PPFIA2: variants seen among roughly 807,000 people sequenced by gnomAD.
PPFIA2 encodes the protein liprin-alpha-2.
In PPFIA2, 46 loss-of-function variants were observed where a neutral mutation model predicts 175.5. The ratio of observed to expected loss-of-function variants is 0.26; its 90% CI spans 0.21 to 0.34. PPFIA2 has a LOEUF of 0.34. PPFIA2 is among the 10% of genes least tolerant of loss of function. The pLI is 1.00. For synonymous variants in PPFIA2, 568 were observed against 511.4 expected, an observed-to-expected ratio of 1.11 and a Z score of -1.49; for missense variants, 1,179 against 1,506.1, an observed-to-expected ratio of 0.78 and a Z score of 3.60.
chr12:81,500,464 T>C (rs886986290), intron 4 of PPFIA2, among the ~76,000 whole-genome samples: 3 of 152,182 alleles, frequency 2.0e-5, no homozygotes, highest in Admixed American at 6.6e-5. Context: ...TTCTAGCCAC[T>C]TTAATTTGGA....
chr12:81,287,891 T>A lies in PPFIA2; in HGVS notation c.2926-3588A>T, dbSNP rs112788284. ...GTTGGAAAAGCATAAGAAACAAATATTGTATAACTTGGTTGTGGTTCTCTG... is the reference window on the plus strand; with the variant it reads ...GTTGGAAAAGCATAAGAAACAAATAATGTATAACTTGGTTGTGGTTCTCTG... On this transcript the variant is annotated intron_variant, in intron 24 of 32. Transcript: ENST00000549396. 3.5e-4 allele frequency among the ~76,000 whole-genome samples: 53 copies of A among 151,834 alleles called. No individual in the cohort carries two copies. In the East Asian group the frequency reaches 8.1e-3, roughly 23 times the overall value.
At chr12:81,390,170 T>A (rs1055653077) in intron 8 of PPFIA2, among the ~76,000 whole-genome samples, 52 of 152,204 alleles carry the variant, frequency 3.4e-4, no homozygotes, top group African/African-American at 1.1e-3. Context: ...TATTACATGT[T>A]ATTTATATAT....
intron 4 of PPFIA2, among the ~76,000 whole-genome samples, chr12:81,529,539 A>T (rs1353234636): frequency 1.4e-5 from 2 of 145,438 alleles, no homozygotes; most frequent in Non-Finnish European, 3.0e-5. Flanking sequence ...ACACACAAAG[A>T]GTGGCGGGGG....
chr12:81,442,441 T>C (rs1406230809), intron 6 of PPFIA2, among the ~76,000 whole-genome samples: 2 of 151,968 alleles, frequency 1.3e-5, no homozygotes, highest in Non-Finnish European at 2.9e-5. Context: ...CACTAAGATA[T>C]TTGATAATAA....
At chr12:81,433,018 C>CA (rs1355161906) in intron 7 of PPFIA2, among the ~76,000 whole-genome samples, 1 of 133,826 alleles carries the variant, frequency 7.5e-6, no homozygotes, top group Non-Finnish European at 1.5e-5. Context: ...TTCACTTTAA[C>CA]AAAAATTAAA....
At chr12:81,543,381 A>G (rs925021576) in intron 4 of PPFIA2, among the ~76,000 whole-genome samples, 1 of 152,162 alleles carries the variant, frequency 6.6e-6, no homozygotes, top group African/African-American at 2.4e-5. Context: ...AGAGCTCCTA[A>G]TGACCAAAGT....
At chr12:81,605,768 A>G (rs1336877791) in intron 4 of PPFIA2, among the ~76,000 whole-genome samples, 1 of 151,720 alleles carries the variant, frequency 6.6e-6, no homozygotes, top group East Asian at 1.9e-4. Context: ...CCATACCCTT[A>G]GCTTTATATC....
At chr12:81,452,033 A>G (rs1257621220) in intron 5 of PPFIA2, among the ~76,000 whole-genome samples, 1 of 152,054 alleles carries the variant, frequency 6.6e-6, no homozygotes, top group African/African-American at 2.4e-5. Context: ...CATGAATCCT[A>G]TGTTTGAATT....
In PPFIA2 at chr12:81,259,647, T is replaced by C. The variant is rs752578236; in HGVS notation, c.*47A>G. The C allele has an allele frequency of 3.9e-6, 6 of 1,534,482 alleles. No individual in the cohort carries two copies. The South Asian group carries it at 6.0e-5, about 15-fold the overall frequency. On this transcript the variant is annotated 3_prime_UTR_variant, in exon 33 of 33. Transcript: ENST00000549396. ...GTAGTGCACTTTAGGTAGAGTAGAC[T>C]GAAAAGACGCCATCTAAAATATACA...
intron 8 of PPFIA2, among the ~76,000 whole-genome samples, chr12:81,400,082 T>C (rs1414325668): frequency 1.3e-5 from 2 of 152,208 alleles, no homozygotes; most frequent in African/African-American, 4.8e-5. Context: ...ATTAAAAGAA[T>C]GGCATTTGTG....
intron 4 of PPFIA2, among the ~76,000 whole-genome samples, chr12:81,595,062 T>G (rs1341861832): frequency 3.3e-5 from 5 of 151,878 alleles, no homozygotes; most frequent in Admixed American, 3.3e-4. Flanking sequence ...GGAGCCATGG[T>G]GGTGGCCAGG....
At chr12:81,478,205 T>G (rs1045908210) in intron 4 of PPFIA2, among the ~76,000 whole-genome samples, 1 of 152,176 alleles carries the variant, frequency 6.6e-6, no homozygotes, top group Admixed American at 6.5e-5. Flanking sequence ...ATAGAGATGT[T>G]TATAGTATTC....
At chr12:81,604,156 T>G (rs542635653) in intron 4 of PPFIA2, among the ~76,000 whole-genome samples, 1 of 147,738 alleles carries the variant, frequency 6.8e-6, no homozygotes, top group Non-Finnish European at 1.5e-5. Context: ...AATCACTGAT[T>G]TCCAGTGGGT....
chr12:81,758,090 G>A (rs1276570264), intron 2 of PPFIA2, among the ~76,000 whole-genome samples: 1 of 152,064 alleles, frequency 6.6e-6, no homozygotes, highest in African/African-American at 2.4e-5. Flanking sequence ...GTGCATTTAC[G>A]GACAGCCAGA....
intron 7 of PPFIA2, 56 bp from the exon 8 acceptor site, chr12:81,405,959 A>G: frequency 2.0e-6 from 2 of 1,003,280 alleles, no homozygotes; most frequent in South Asian, 3.2e-5. Flanking sequence ...AAATATAAAA[A>G]GAAAATGAAT....
chr12:81,327,035 T>C (rs1325504597), intron 21 of PPFIA2, among the ~76,000 whole-genome samples: 1 of 152,080 alleles, frequency 6.6e-6, no homozygotes, highest in Non-Finnish European at 1.5e-5. Flanking sequence ...CTTACCAAGG[T>C]GCCAAAAGCA....
At chr12:81,442,459 T>C (rs1056918738) in intron 6 of PPFIA2, among the ~76,000 whole-genome samples, 2 of 151,962 alleles carry the variant, frequency 1.3e-5, no homozygotes, top group Non-Finnish European at 2.9e-5. Flanking sequence ...TAAAAATATA[T>C]AGGGAAGGCA....
chr12:81,390,635 T>C (rs953899109), intron 8 of PPFIA2, among the ~76,000 whole-genome samples: 2 of 152,012 alleles, frequency 1.3e-5, no homozygotes, highest in African/African-American at 2.4e-5. Flanking sequence ...TGTATTTTTA[T>C]TGTTGATTTA....
At chr12:81,693,792 G>A (rs952142405) in intron 3 of PPFIA2, among the ~76,000 whole-genome samples, 5 of 152,078 alleles carry the variant, frequency 3.3e-5, no homozygotes, top group African/African-American at 1.2e-4. Flanking sequence ...ATAGTAATAT[G>A]GATGGTAAGG....
Sources: gnomAD v4.1 joint callset for allele counts (sites outside exome capture counted in the v4.1 genomes callset) on GRCh38, gnomAD v4.1.1 for gene constraint, MANE v1.5 for transcripts, NCBI Gene and HGNC (gene_info 2026-07-23, HGNC 2026-07-21) for gene names.